The following AURKA variants were observed in gnomAD, a reference collection of about 807,000 sequenced individuals.
AURKA encodes the protein aurora kinase A, also known as aurora 2.
A neutral mutation model predicts 40.9 loss-of-function variants in AURKA; 12 were observed. The observed-to-expected ratio is 0.29, with a 90% CI of 0.19 to 0.48. The LOEUF (loss-of-function observed/expected upper bound fraction) is 0.48. AURKA is among the 20% of genes least tolerant of loss of function. The probability of loss-of-function intolerance (pLI) is 0.99; values close to 1 mark genes in which losing one functional copy is unlikely to be tolerated. For missense variants in AURKA, 322 were observed against 462.1 expected (o/e 0.70, Z 2.78); for synonymous variants, 170 against 164.3 (o/e 1.03, Z -0.26).
At chr20:56,381,685 C>A in intron 5 of AURKA, 114 bp from the exon 6 acceptor site, 1 of 1,267,710 alleles carries the variant, frequency 7.9e-7, no homozygotes, top group Non-Finnish European at 1.1e-6. Context: ...TGAAACCACA[C>A]TCCAAACCCC....
chr20:56,380,580 CCTT>C (rs1985588935), intron 6 of AURKA, among the ~76,000 whole-genome samples: 1 of 152,118 alleles, frequency 6.6e-6, no homozygotes, highest in African/African-American at 2.4e-5. Flanking sequence ...ACTCTCTACT[CCTT>C]AAGTGTGGGC....
intron 6 of AURKA, among the ~76,000 whole-genome samples, chr20:56,377,343 T>C (rs557327050): frequency 6.6e-6 from 1 of 151,824 alleles, no homozygotes; most frequent in South Asian, 2.1e-4. Context: ...AAGGCACGGA[T>C]TGGGAGAAAA....
chr20:56,379,305 G>A (rs780164243), intron 6 of AURKA, among the ~76,000 whole-genome samples: 2 of 152,160 alleles, frequency 1.3e-5, no homozygotes, highest in East Asian at 1.9e-4. Flanking sequence ...GATGGTGGGC[G>A]GTGAAATCCA....
intron 6 of AURKA, among the ~76,000 whole-genome samples, chr20:56,377,423 C>CAAA (rs747877845): frequency 6.9e-6 from 1 of 144,308 alleles, no homozygotes; most frequent in African/African-American, 2.5e-5. Context: ...ACTCAAAACT[C>CAAA]AAAAAAAAAA....
chr20:56,370,667 C>T lies in AURKA; in HGVS notation c.855-8G>A, dbSNP rs986197160. On this transcript the variant is annotated splice_polypyrimidine_tract_variant and splice_region_variant and intron_variant, in intron 7 of 8. Transcript: ENST00000395915. ...CCACAGAGAGTGGTCCTCCTGAAAA[C>T]GGAGGGAGGCTCAGGTTGATGTGCT... The T allele has an allele frequency of 1.7e-5, 27 of 1,614,108 alleles. No homozygotes were observed. The highest frequency in any genetic ancestry group is 8.0e-5 in the African/African-American group (6 of 75,038).
Position 56,370,077 on chromosome 20 carries a change from T to C in AURKA, c.*81A>G. Reference sequence around the variant, plus strand: ...GTTCTAGATTGAGGGCAGCAGTCAATGGTAAAATAAACTTCAGTAGCATGT... The same window carrying C: ...GTTCTAGATTGAGGGCAGCAGTCAACGGTAAAATAAACTTCAGTAGCATGT... On this transcript the variant is annotated 3_prime_UTR_variant, in exon 9 of 9. Transcript: ENST00000395915. The C allele has an allele frequency of 6.5e-7, 1 of 1,535,064 alleles. No homozygotes were observed. The highest frequency in any genetic ancestry group is 9.0e-7 in the Non-Finnish European group (1 of 1,110,752).
chr20:56,385,597 G>A (rs1986254709), intron 3 of AURKA, among the ~76,000 whole-genome samples: 1 of 152,092 alleles, frequency 6.6e-6, no homozygotes, highest in Non-Finnish European at 1.5e-5. Context: ...GAGTAGCTGG[G>A]ATTACAGGCG....
intron 5 of AURKA, among the ~76,000 whole-genome samples, chr20:56,381,904 G>A (rs564388838): frequency 3.3e-5 from 5 of 152,002 alleles, no homozygotes; most frequent in African/African-American, 9.7e-5. Flanking sequence ...AGTGGCTCAC[G>A]CCTGTAATCC....
intron 2 of AURKA, 126 bp from the exon 3 acceptor site, chr20:56,386,659 G>T: frequency 1.8e-6 from 2 of 1,087,640 alleles, no homozygotes; most frequent in Non-Finnish European, 2.7e-6. Flanking sequence ...GAGATGGAAG[G>T]TGAAAAGGTA....
chr20:56,379,970 G>GA (rs1199131417), intron 6 of AURKA, among the ~76,000 whole-genome samples: 200 of 68,892 alleles, frequency 2.9e-3, no homozygotes, highest in African/African-American at 5.9e-3. Context: ...CTCAAAAAAA[G>GA]AAAAAAAAAA....
chr20:56,374,804 T>C (rs1385004911), intron 6 of AURKA, among the ~76,000 whole-genome samples: 1 of 152,138 alleles, frequency 6.6e-6, no homozygotes, highest in Non-Finnish European at 1.5e-5. Context: ...TCCCAGCACT[T>C]TGGGAGGCCA....
chr20:56,380,169 A>G (rs534103348), intron 6 of AURKA, among the ~76,000 whole-genome samples: 1 of 151,794 alleles, frequency 6.6e-6, no homozygotes, highest in South Asian at 2.1e-4. Context: ...AGCCTGGCCA[A>G]TATGGTGAAA....
intron 2 of AURKA, among the ~76,000 whole-genome samples, chr20:56,387,046 T>G (rs1015905725): frequency 2.0e-5 from 3 of 152,172 alleles, no homozygotes; most frequent in Non-Finnish European, 4.4e-5. Context: ...TACTGTACTA[T>G]TGATTAACCA....
Position 56,388,175 on chromosome 20 carries a change from C to T in AURKA, c.23G>A (p.Cys8Tyr). MDRSKEN[C>Y]ISGPVKATAP... ...ATTTACCTTAACAGGTCCTGAAATG[C>T]AGTTTTCTTTAGATCGGTCCATGAT... Residue 8 changes from cysteine to tyrosine, a missense_variant, in exon 2 of 9, where the codon TGC (cysteine) becomes TAC (tyrosine). Physicochemically the swap from Cys to Tyr is radical, Grantham distance 194. Coordinates refer to ENST00000395915, the MANE Select transcript of AURKA (RefSeq NM_198437.3). The T allele has an allele frequency of 1.3e-6, 1 of 787,096 alleles. No individual in the cohort carries two copies. Among genetic ancestry groups the T allele is most frequent in the Non-Finnish European group, 1.6e-6 (1 of 625,886 alleles). The allele number at this position is 787,096 out of a possible 1,614,324, so 48.8% of individuals were successfully genotyped here.
Position 56,388,211 on chromosome 20 carries a change from A to G in AURKA, c.-5-9T>C. On this transcript the variant is annotated splice_polypyrimidine_tract_variant and intron_variant, in intron 1 of 8. Coordinates refer to ENST00000395915, the MANE Select transcript of AURKA (RefSeq NM_198437.3). ...AGATCGGTCCATGATGCCTGAAAAG[A>G]AAAAGAAGAACCTTTAATTTGAACA... The G allele has an allele frequency of 6.2e-7, 1 of 1,614,012 alleles. No individual in the cohort carries two copies. The highest frequency in any genetic ancestry group is 8.5e-7 in the Non-Finnish European group (1 of 1,179,802).
At position 56,385,462 on chromosome 20, in the gene AURKA, A is replaced by ATTT. The variant is rs199813313; in HGVS notation, c.319+792_319+794dup. ...AATTTATTCAGTACTTCCACAGTAAATTTTTTTTTTTTTTTTGAGATAGAA... is the reference window on the plus strand; with the variant it reads ...AATTTATTCAGTACTTCCACAGTAAATTTTTTTTTTTTTTTTTTTGAGATAGAA... On this transcript the variant is annotated intron_variant, in intron 3 of 8. Transcript: ENST00000395915. Among the ~76,000 whole-genome samples the ATTT allele has an allele frequency of 1.9e-3, 278 of 143,920 alleles. 2 individuals are homozygous for ATTT. The highest frequency in any genetic ancestry group is 6.6e-3 in the African/African-American group (259 of 39,046). The allele number at this position is 143,920 out of a possible 152,430, so 94.4% of individuals were successfully genotyped here. A position where few individuals can be genotyped will look rare whatever the true frequency, so the allele number is the denominator to read the frequency against.
chr20:56,389,227 C>G (rs1177876391), intron 1 of AURKA, among the ~76,000 whole-genome samples: 1 of 146,552 alleles, frequency 6.8e-6, no homozygotes, highest in Non-Finnish European at 1.5e-5. Flanking sequence ...CTCCACTTCT[C>G]CATCTACACC....
rs748492974 is a variant in AURKA, at chr20:56,370,330, G to A, written c.1040C>T (p.Thr347Ile). ...TYKRISRVEF[T>I]FPDFVTEGAR... ...TCCCTCTGTTACAAAGTCAGGGAAT[G>A]TGAATTCAACCTGGAGTACAACAAA... Residue 347 changes from threonine (T) to isoleucine (I), a missense_variant, in exon 9 of 9, where the codon ACA (threonine) becomes ATA (isoleucine). Thr to Ile is a moderately conservative substitution (Grantham distance 89, BLOSUM62 -1). Transcript: ENST00000395915. 3 of 1,614,198 alleles carry A rather than the reference G, an allele frequency of 1.9e-6. No individual in the cohort carries two copies. In the Admixed American group the frequency reaches 5.0e-5, roughly 27 times the overall value.
intron 6 of AURKA, among the ~76,000 whole-genome samples, chr20:56,378,288 C>T (rs960868870): frequency 1.3e-5 from 2 of 152,160 alleles, no homozygotes; most frequent in Non-Finnish European, 2.9e-5. Flanking sequence ...AACCAGCTGC[C>T]CCACGGAAAC....
Sources: allele counts gnomAD v4.1 joint callset (sites outside exome capture counted in the v4.1 genomes callset), GRCh38; gene constraint gnomAD v4.1.1; transcripts MANE v1.5; gene names NCBI Gene and HGNC (gene_info 2026-07-23, HGNC 2026-07-21).